HSD17B11: variants seen among roughly 807,000 people sequenced by gnomAD.
The protein encoded by HSD17B11 is hydroxysteroid 17-beta dehydrogenase 11, also known as estradiol 17-beta-dehydrogenase 11.
A neutral mutation model predicts 27.8 loss-of-function variants in HSD17B11; 22 were observed. That is an observed-to-expected ratio of 0.79 (90% CI 0.56 to 1.13). HSD17B11 has a LOEUF of 1.13. HSD17B11 is among the 50% of genes most tolerant of loss of function. The probability of loss-of-function intolerance (pLI) is 0.00; values close to 1 mark genes in which losing one functional copy is unlikely to be tolerated. For missense variants in HSD17B11, 314 were observed against 351.1 expected (o/e 0.89, Z 0.84); for synonymous variants, 117 against 132.8 (o/e 0.88, Z 0.82).
chr4:87,364,281 A>G (rs1461845845), intron 4 of HSD17B11, among the ~76,000 whole-genome samples: 6 of 151,612 alleles, frequency 4.0e-5, no homozygotes, highest in Non-Finnish European at 8.8e-5. Context: ...AAAAAAAAAA[A>G]AAAAAGAAAA....
intron 5 of HSD17B11, among the ~76,000 whole-genome samples, chr4:87,346,720 T>TA (rs1196449488): frequency 6.6e-6 from 1 of 152,106 alleles, no homozygotes; most frequent in Non-Finnish European, 1.5e-5. Context: ...CATATTAATA[T>TA]AACATGGAAG....
At chr4:87,346,533 C>T (rs1735273400) in intron 5 of HSD17B11, among the ~76,000 whole-genome samples, 1 of 152,094 alleles carries the variant, frequency 6.6e-6, no homozygotes, top group Non-Finnish European at 1.5e-5. Context: ...ACCTGTACTC[C>T]CAGCTACTTG....
At chr4:87,363,686 C>A (rs1003051188) in intron 4 of HSD17B11, among the ~76,000 whole-genome samples, 2 of 152,144 alleles carry the variant, frequency 1.3e-5, no homozygotes, top group African/African-American at 4.8e-5. Flanking sequence ...TAGTTAAAAG[C>A]CTTTGCAAGC....
chr4:87,380,673 C>A (rs1216898466), intron 2 of HSD17B11, among the ~76,000 whole-genome samples: 1 of 148,132 alleles, frequency 6.8e-6, no homozygotes, highest in Non-Finnish European at 1.5e-5. Flanking sequence ...CTGGCTAACA[C>A]GGTGAAATCC....
At chr4:87,346,958 T>C (rs1735282347) in intron 5 of HSD17B11, among the ~76,000 whole-genome samples, 1 of 151,838 alleles carries the variant, frequency 6.6e-6, no homozygotes, top group East Asian at 1.9e-4. Flanking sequence ...CTTAAAAAAA[T>C]AATTGGAACA....
intron 4 of HSD17B11, among the ~76,000 whole-genome samples, chr4:87,358,791 A>T (rs7681452): frequency 0.46 from 60,046 of 130,666 alleles, 12,273 homozygotes; most frequent in Non-Finnish European, 0.51. Flanking sequence ...TTTTTAAAAA[A>T]TTTTAAAAAA....
intron 4 of HSD17B11, among the ~76,000 whole-genome samples, chr4:87,358,589 CTT>C (rs1451052117): frequency 6.6e-6 from 1 of 152,160 alleles, no homozygotes; most frequent in Non-Finnish European, 1.5e-5. Context: ...ATATAATTAA[CTT>C]AAAAGTTGTG....
chr4:87,347,217 GCA>G (rs2110114793), intron 5 of HSD17B11, among the ~76,000 whole-genome samples: 1 of 64,930 alleles, frequency 1.5e-5, no homozygotes, highest in African/African-American at 9.6e-5. Context: ...CTGGTGCGCT[GCA>G]CCCACTAATG....
At chr4:87,388,166 C>CAAAAA (rs67885339) in intron 1 of HSD17B11, among the ~76,000 whole-genome samples, 8 of 137,468 alleles carry the variant, frequency 5.8e-5, no homozygotes, top group African/African-American at 1.6e-4. Context: ...GTAGTCACAC[C>CAAAAA]AAAAAAAAAA....
intron 2 of HSD17B11, among the ~76,000 whole-genome samples, chr4:87,376,838 A>G (rs1042507453): frequency 6.6e-6 from 1 of 152,152 alleles, no homozygotes; most frequent in Non-Finnish European, 1.5e-5. Context: ...GACTGTAAAG[A>G]CTATTTGTAG....
In HSD17B11 at chr4:87,362,512, C is replaced by T. The variant is rs550942866; in HGVS notation, c.558-5096G>A. On this transcript the variant is annotated intron_variant, in intron 4 of 6. Transcript: ENST00000358290. ...CTGCACTCCAGCCTGGCCAACAGAG[C>T]GAGACTCCATCTCAAAAATAAAATA... Among the ~76,000 whole-genome samples the T allele has an allele frequency of 1.1e-4, 16 of 152,188 alleles. No homozygotes were observed. In the East Asian group the frequency reaches 2.1e-3, roughly 20 times the overall value.
chr4:87,378,946 ATT>A (rs543264662), intron 2 of HSD17B11, among the ~76,000 whole-genome samples: 1,455 of 22,488 alleles, frequency 0.065, 90 homozygotes, highest in Admixed American at 0.08. Flanking sequence ...ATATATATAT[ATT>A]TATATATATA....
chr4:87,375,711 G>C (rs1560767850), intron 2 of HSD17B11, among the ~76,000 whole-genome samples: 1 of 152,096 alleles, frequency 6.6e-6, no homozygotes. Context: ...ATCGCACTCC[G>C]GCCTGGGCAA....
intron 4 of HSD17B11, among the ~76,000 whole-genome samples, chr4:87,371,555 G>T (rs1006017563): frequency 1.3e-5 from 2 of 152,098 alleles, no homozygotes; most frequent in Non-Finnish European, 2.9e-5. Context: ...GCACACTTAC[G>T]ACTTCTTCAT....
intron 2 of HSD17B11, among the ~76,000 whole-genome samples, chr4:87,376,388 C>T (rs11930112): frequency 0.033 from 5,008 of 151,372 alleles, 278 homozygotes; most frequent in African/African-American, 0.12. Context: ...GCCTGTAATC[C>T]CAGCTACTCG....
rs777558225 is a variant in HSD17B11, at chr4:87,374,683, A to T, written c.450+16T>A. On this transcript the variant is annotated intron_variant, in intron 3 of 6. Transcript: ENST00000358290. ...ATTTTCAAAAGGAACATTTTTGTAAAAGAAGCCATACTCACCCAGAAATGT... is the reference window on the plus strand; with the variant it reads ...ATTTTCAAAAGGAACATTTTTGTAATAGAAGCCATACTCACCCAGAAATGT... 1.9e-6 allele frequency: 3 copies of T among 1,586,318 alleles called. No homozygotes were observed. In the South Asian group the frequency reaches 3.5e-5, roughly 19 times the overall value.
chr4:87,372,805 G>A lies in HSD17B11; in HGVS notation c.461C>T (p.Ala154Val). ...ATTCTTCGTCATTGCAGGAAGAAAT[G>A]CCTTTGTAGTCTACAAATAGTTTTT... ...NVLAHFWTTKAFLPAMTKNNH... is the reference protein window; with the variant it reads ...NVLAHFWTTKVFLPAMTKNNH... Residue 154 changes from alanine (A) to valine (V), a missense_variant, in exon 4 of 7, where the codon GCA becomes GTA. Physicochemically the swap from Ala to Val is moderately conservative, Grantham distance 64. Coordinates refer to ENST00000358290, the MANE Select transcript of HSD17B11 (RefSeq NM_016245.5). The A allele has an allele frequency of 1.2e-6, 2 of 1,604,094 alleles. No homozygotes were observed. The highest frequency in any genetic ancestry group is 1.1e-5 in the South Asian group (1 of 90,836).
chr4:87,356,162 G>A (rs77814627), intron 5 of HSD17B11, among the ~76,000 whole-genome samples: 2,188 of 152,272 alleles, frequency 0.014, 47 homozygotes, highest in African/African-American at 0.05. Flanking sequence ...CCTGCACTGT[G>A]GGTAGGAGTG....
intron 1 of HSD17B11, among the ~76,000 whole-genome samples, chr4:87,385,077 G>A (rs999688748): frequency 6.6e-6 from 1 of 152,048 alleles, no homozygotes. Flanking sequence ...TTCTTTTACT[G>A]AAATCTCCCT....
Sources: allele counts gnomAD v4.1 joint callset (sites outside exome capture counted in the v4.1 genomes callset), GRCh38; gene constraint gnomAD v4.1.1; transcripts MANE v1.5; gene names NCBI Gene and HGNC (gene_info 2026-07-23, HGNC 2026-07-21).